ADAM12: variants seen among roughly 807,000 people sequenced by gnomAD.
The protein encoded by ADAM12 is ADAM metallopeptidase domain 12, also known as disintegrin and metalloproteinase domain-containing protein 12.
A neutral mutation model predicts 106.4 loss-of-function variants in ADAM12; 70 were observed. That is an observed-to-expected ratio of 0.66 (90% CI 0.54 to 0.80). ADAM12 has a LOEUF of 0.80. Ranked by LOEUF, ADAM12 falls within the 30% of genes least tolerant of loss-of-function variation. ADAM12 has a pLI of 0.00. For missense variants in ADAM12, 1,010 were observed against 1,171.9 expected, an observed-to-expected ratio of 0.86 and a Z score of 2.02; for synonymous variants, 420 against 433.5, an observed-to-expected ratio of 0.97 and a Z score of 0.39.
intron 1 of ADAM12, among the ~76,000 whole-genome samples, chr10:126,350,326 A>G (rs1369664209): frequency 6.6e-6 from 1 of 152,230 alleles, no homozygotes; most frequent in East Asian, 1.9e-4. Flanking sequence ...CAGTATCAGC[A>G]TAAATCAGAG....
intron 3 of ADAM12, among the ~76,000 whole-genome samples, chr10:126,205,995 G>A (rs573610048): frequency 5.3e-4 from 80 of 152,194 alleles, no homozygotes; most frequent in African/African-American, 1.9e-3. Context: ...TAAAAATCTT[G>A]GTGGGAAGGC....
intron 3 of ADAM12, among the ~76,000 whole-genome samples, chr10:126,245,741 A>G (rs1958616438): frequency 6.6e-6 from 1 of 152,210 alleles, no homozygotes; most frequent in Non-Finnish European, 1.5e-5. Flanking sequence ...CAAGGGGAGC[A>G]TGAACGGCAG....
At chr10:126,316,994 T>C (rs1386077663) in intron 2 of ADAM12, among the ~76,000 whole-genome samples, 1 of 152,174 alleles carries the variant, frequency 6.6e-6, no homozygotes, top group African/African-American at 2.4e-5. Context: ...TAAGCTGTAA[T>C]ATTAATGATG....
At chr10:126,211,731 T>C (rs11244886) in intron 3 of ADAM12, among the ~76,000 whole-genome samples, 39,435 of 151,748 alleles carry the variant, frequency 0.26, 5,559 homozygotes, top group African/African-American at 0.37. Context: ...TGATGCTGAA[T>C]CCGCAAATAG....
rs1280620666 is a variant in ADAM12, at chr10:126,066,868, A to C, written c.1324-62T>G. 1 of 1,467,524 alleles carries C rather than the reference A, an allele frequency of 6.8e-7. No individual in the cohort carries two copies. Among genetic ancestry groups the C allele is most frequent in the Non-Finnish European group, 9.5e-7 (1 of 1,051,786 alleles). 90.9% of individuals were successfully genotyped at this position (1,467,524 alleles called of 1,614,324 possible). ...ATGGAGTATGCACTCACTGAATGCA[A>C]ACATCACACCTTAAATGGCTGCAAA... On this transcript the variant is annotated intron_variant, in intron 12 of 22. Transcript: ENST00000448723. The surrounding 1 kb of genome is among the most constrained non-coding windows in gnomAD (Gnocchi z 5.1).
chr10:126,017,090 A>G lies in ADAM12; in HGVS notation c.*189T>C. ...AACATTCTGCATAAATTAATAATTT[A>G]CAAGTACCTGAGCAAGTAGACAGAG... is the stretch of plus-strand genomic sequence containing the variant. On this transcript the variant is annotated 3_prime_UTR_variant, in exon 23 of 23. Coordinates refer to ENST00000448723, the MANE Select transcript of ADAM12 (RefSeq NM_001288973.2). 1 of 547,360 alleles carries G rather than the reference A, an allele frequency of 1.8e-6. No homozygotes were observed. Among genetic ancestry groups the G allele is most frequent in the Non-Finnish European group, 3.2e-6 (1 of 307,774 alleles). The allele number at this position is 547,360 out of a possible 1,614,324, so 33.9% of individuals were successfully genotyped here.
At chr10:126,061,319 G>A (rs1420466017) in intron 14 of ADAM12, among the ~76,000 whole-genome samples, 2 of 152,188 alleles carry the variant, frequency 1.3e-5, no homozygotes, top group South Asian at 2.1e-4. Context: ...AGGCTATGTT[G>A]GAGCATAACA....
At chr10:126,082,772 A>G (rs1424551721) in intron 11 of ADAM12, among the ~76,000 whole-genome samples, 2 of 152,162 alleles carry the variant, frequency 1.3e-5, no homozygotes, top group African/African-American at 4.8e-5. Context: ...TAGTCCCTTG[A>G]GAAGCATAAG....
At chr10:126,220,682 C>T (rs56266841) in intron 3 of ADAM12, among the ~76,000 whole-genome samples, 1 of 152,230 alleles carries the variant, frequency 6.6e-6, no homozygotes, top group South Asian at 2.1e-4. Flanking sequence ...CTCTGTGATG[C>T]TAATGATGGG....
intron 4 of ADAM12, among the ~76,000 whole-genome samples, chr10:126,136,105 A>AGAGGAAGTAGGGGTGAAG (rs1554974215): frequency 6.6e-6 from 1 of 151,720 alleles, no homozygotes; most frequent in Non-Finnish European, 1.5e-5. Flanking sequence ...AAAGCAGATG[A>AGAGGAAGTAGGGGTGAAG]GAGGAAGTGG....
At chr10:126,131,104 CTTTTTTTTTTTTTT>C (rs71029289) in intron 5 of ADAM12, among the ~76,000 whole-genome samples, 21 of 100,914 alleles carry the variant, frequency 2.1e-4, no homozygotes, top group Middle Eastern at 6.3e-3. Flanking sequence ...CAGCTGTCTT[CTTTTTTTTTTTTTT>C]TTTTTTTTTT....
chr10:126,343,050 T>G (rs776887040), intron 1 of ADAM12, among the ~76,000 whole-genome samples: 2 of 152,150 alleles, frequency 1.3e-5, no homozygotes, highest in Non-Finnish European at 2.9e-5. Flanking sequence ...ATTTTTTTCT[T>G]TTTTTATTAT....
At chr10:126,102,658 C>A (rs993194640) in intron 8 of ADAM12, among the ~76,000 whole-genome samples, 1 of 152,138 alleles carries the variant, frequency 6.6e-6, no homozygotes, top group Non-Finnish European at 1.5e-5. Flanking sequence ...TTGCATTGGT[C>A]CAACTTGGTT....
intron 4 of ADAM12, among the ~76,000 whole-genome samples, chr10:126,147,565 G>A (rs1170260164): frequency 6.6e-6 from 1 of 151,936 alleles, no homozygotes; most frequent in Non-Finnish European, 1.5e-5. Flanking sequence ...CCTCTCCCCC[G>A]CCACCCCAAG....
Position 126,280,042 on chromosome 10 carries a change from C to T in ADAM12, c.187-1054G>A, listed in dbSNP as rs138246845. Among the ~76,000 whole-genome samples the T allele has an allele frequency of 7.4e-3, 1,127 of 152,300 alleles. 17 individuals carry two copies. Among genetic ancestry groups the T allele is most frequent in the African/African-American group, 0.026 (1,082 of 41,546 alleles). On this transcript the variant is annotated intron_variant, in intron 2 of 22. Coordinates refer to ENST00000448723, the MANE Select transcript of ADAM12 (RefSeq NM_001288973.2). ...GAAAGTCAGTCTTATAACTCCAGAG[C>T]TCGAAAGATCTTTTCACAATATATA...
chr10:126,342,863 T>C (rs1257639147), intron 1 of ADAM12, among the ~76,000 whole-genome samples: 3 of 150,646 alleles, frequency 2.0e-5, no homozygotes, highest in East Asian at 3.9e-4. Context: ...GATCACACAG[T>C]GTAGCACCAT....
rs1291179179 is a variant in ADAM12, at chr10:126,017,204, G to A, written c.*75C>T. 1 of 1,349,116 alleles carries A rather than the reference G, an allele frequency of 7.4e-7. No individual in the cohort carries two copies. The highest frequency in any genetic ancestry group is 1.0e-6 in the Non-Finnish European group (1 of 984,408). The allele number at this position is 1,349,116 out of a possible 1,614,324, so 83.6% of individuals were successfully genotyped here. On this transcript the variant is annotated 3_prime_UTR_variant, in exon 23 of 23. Transcript: ENST00000448723. ...ACATTAAAAAAAATCCTAAAAGTTGGTACAAAAAACTCCAACTGGAGCTGA... is the reference window on the plus strand; with the variant it reads ...ACATTAAAAAAAATCCTAAAAGTTGATACAAAAAACTCCAACTGGAGCTGA...
intron 3 of ADAM12, among the ~76,000 whole-genome samples, chr10:126,257,353 C>T (rs1193495841): frequency 1.3e-5 from 2 of 152,174 alleles, no homozygotes; most frequent in Admixed American, 6.5e-5. Context: ...TCAAAATGTT[C>T]CATTTGTATT....
chr10:126,256,437 G>A (rs1299942303), intron 3 of ADAM12, among the ~76,000 whole-genome samples: 1 of 152,150 alleles, frequency 6.6e-6, no homozygotes, highest in Non-Finnish European at 1.5e-5. Flanking sequence ...TGTAAAATGG[G>A]TGACGTGGCC....
Sources: allele counts gnomAD v4.1 joint callset (sites outside exome capture counted in the v4.1 genomes callset), GRCh38; gene constraint gnomAD v4.1.1; non-coding constraint Gnocchi (gnomAD v3.1); transcripts MANE v1.5; gene names NCBI Gene and HGNC (gene_info 2026-07-23, HGNC 2026-07-21).